Variants in ST6GALNAC3 observed in about 807,000 individuals in gnomAD.
The protein encoded by ST6GALNAC3 is ST6 N-acetylgalactosaminide alpha-2,6-sialyltransferase 3.
Under a neutral mutation model 32.7 loss-of-function variants are expected in ST6GALNAC3, and 25 were observed. The observed-to-expected ratio is 0.76, with a 90% CI of 0.56 to 1.07. The LOEUF (loss-of-function observed/expected upper bound fraction) is 1.07, where lower values mean the gene tolerates loss of function less well. Among genes scored for constraint, ST6GALNAC3 ranks in the 50% least tolerant of loss-of-function variants. The pLI, the probability that ST6GALNAC3 is intolerant of heterozygous loss-of-function variation, is 0.00. For missense variants in ST6GALNAC3, 355 were observed against 382.4 expected (o/e 0.93, Z 0.60); for synonymous variants, 129 against 133.1 (o/e 0.97, Z 0.21).
At chr1:76,542,149 A>G (rs1398577327) in intron 3 of ST6GALNAC3, among the ~76,000 whole-genome samples, 2 of 152,216 alleles carry the variant, frequency 1.3e-5, no homozygotes. Flanking sequence ...ACTCACTGTC[A>G]TATCTGGATA....
chr1:76,342,994 A>T (rs1648185321), intron 2 of ST6GALNAC3, among the ~76,000 whole-genome samples: 1 of 152,020 alleles, frequency 6.6e-6, no homozygotes, highest in African/African-American at 2.4e-5. Context: ...AGATGCATAG[A>T]TGTAAATATT....
At chr1:76,165,788 A>G (rs1055808659) in intron 1 of ST6GALNAC3, among the ~76,000 whole-genome samples, 1 of 152,102 alleles carries the variant, frequency 6.6e-6, no homozygotes, top group African/African-American at 2.4e-5. Context: ...GTTTTTTTTC[A>G]TATGATTATT....
rs371462113 is a variant in ST6GALNAC3, at chr1:76,210,952, G to A, written c.19-102853G>A. On this transcript the variant is annotated intron_variant, in intron 1 of 4. Coordinates refer to ENST00000328299, the MANE Select transcript of ST6GALNAC3 (RefSeq NM_152996.4). ...AGTAGAGACAGGATCTCCAACTCCT[G>A]ACCTCAAGTGATCCACCTGCCTTAG... 2.0e-4 allele frequency among the ~76,000 whole-genome samples: 31 copies of A among 152,224 alleles called. No homozygotes were observed. In the East Asian group the frequency reaches 3.7e-3, roughly 18 times the overall value.
At chr1:76,310,736 T>C (rs928150277) in intron 1 of ST6GALNAC3, among the ~76,000 whole-genome samples, 1 of 152,160 alleles carries the variant, frequency 6.6e-6, no homozygotes, top group Non-Finnish European at 1.5e-5. Context: ...TCACAGAAAG[T>C]TATGTGGCTT....
intron 3 of ST6GALNAC3, among the ~76,000 whole-genome samples, chr1:76,609,955 G>A (rs1427170247): frequency 6.6e-6 from 1 of 152,192 alleles, no homozygotes; most frequent in Non-Finnish European, 1.5e-5. Context: ...AGAGTGCTAA[G>A]TTGGTTAGGT....
intron 1 of ST6GALNAC3, among the ~76,000 whole-genome samples, chr1:76,195,763 C>T (rs1654167401): frequency 6.6e-6 from 1 of 152,178 alleles, no homozygotes; most frequent in Non-Finnish European, 1.5e-5. Context: ...TCCCCTACTC[C>T]CCAACATTCC....
At chr1:76,471,146 C>A (rs373551569) in intron 3 of ST6GALNAC3, among the ~76,000 whole-genome samples, 42 of 152,202 alleles carry the variant, frequency 2.8e-4, no homozygotes, top group African/African-American at 1.0e-3. Context: ...TCAATCCTGG[C>A]AAAAGTGACT....
chr1:76,344,230 T>C (rs944438527), intron 2 of ST6GALNAC3, among the ~76,000 whole-genome samples: 2 of 152,174 alleles, frequency 1.3e-5, no homozygotes, highest in Non-Finnish European at 2.9e-5. Flanking sequence ...AGTACATTGT[T>C]ATAGGTCAGA....
intron 3 of ST6GALNAC3, among the ~76,000 whole-genome samples, chr1:76,485,897 G>A (rs1459143885): frequency 3.3e-5 from 5 of 152,182 alleles, no homozygotes; most frequent in African/African-American, 7.2e-5. Context: ...TGCTTTGAAC[G>A]TGTCCCAGAG....
chr1:76,185,176 T>G (rs1653474467), intron 1 of ST6GALNAC3, among the ~76,000 whole-genome samples: 1 of 152,168 alleles, frequency 6.6e-6, no homozygotes, highest in South Asian at 2.1e-4. Context: ...ACTGCAGGAC[T>G]TCCTATCCCA....
intron 3 of ST6GALNAC3, chr1:76,576,738 G>C (rs1205144294): frequency 2.2e-6 from 2 of 890,902 alleles, no homozygotes; most frequent in Non-Finnish European, 3.2e-6. Context: ...TGATTAATCA[G>C]TTTCACAGTA....
intron 1 of ST6GALNAC3, among the ~76,000 whole-genome samples, chr1:76,099,922 A>G (rs1440861016): frequency 1.3e-5 from 2 of 152,194 alleles, no homozygotes; most frequent in African/African-American, 4.8e-5. Context: ...TTGCATTTCA[A>G]TTCTCACATT....
At chr1:76,296,012 A>G (rs555909447) in intron 1 of ST6GALNAC3, among the ~76,000 whole-genome samples, 2 of 152,162 alleles carry the variant, frequency 1.3e-5, no homozygotes, top group South Asian at 2.1e-4. Flanking sequence ...TAATTATGCC[A>G]AAGTAGCATA....
At chr1:76,461,515 A>G (rs1050884358) in intron 3 of ST6GALNAC3, among the ~76,000 whole-genome samples, 45 of 152,182 alleles carry the variant, frequency 3.0e-4, no homozygotes, top group African/African-American at 1.1e-3. Flanking sequence ...TTCGTGCTGG[A>G]GCCTTTATAT....
chr1:76,193,018 C>A (rs540700655), intron 1 of ST6GALNAC3, among the ~76,000 whole-genome samples: 20 of 152,170 alleles, frequency 1.3e-4, no homozygotes, highest in African/African-American at 4.6e-4. Flanking sequence ...AAGCTTAGGA[C>A]ATTTATATAA....
intron 1 of ST6GALNAC3, among the ~76,000 whole-genome samples, chr1:76,234,058 G>T (rs1170133961): frequency 1.3e-5 from 2 of 152,148 alleles, no homozygotes; most frequent in African/African-American, 4.8e-5. Context: ...TAAATAATTA[G>T]TCCAAGAACA....
At chr1:76,424,042 G>A (rs1416135532) in intron 3 of ST6GALNAC3, among the ~76,000 whole-genome samples, 1 of 151,908 alleles carries the variant, frequency 6.6e-6, no homozygotes, top group Admixed American at 6.6e-5. Flanking sequence ...ACAAAGAATG[G>A]TTGCTATTCC....
intron 2 of ST6GALNAC3, among the ~76,000 whole-genome samples, chr1:76,404,680 T>C (rs1020811708): frequency 3.9e-5 from 6 of 152,126 alleles, no homozygotes; most frequent in African/African-American, 1.4e-4. Context: ...AGTGCGTCTC[T>C]GGAGCTTTGT....
At chr1:76,258,736 C>G (rs1377573699) in intron 1 of ST6GALNAC3, among the ~76,000 whole-genome samples, 1 of 152,168 alleles carries the variant, frequency 6.6e-6, no homozygotes, top group Non-Finnish European at 1.5e-5. Flanking sequence ...GGTTTGCAGT[C>G]TAGCTGGAAA....
Sources: allele counts gnomAD v4.1 joint callset (sites outside exome capture counted in the v4.1 genomes callset), GRCh38; gene constraint gnomAD v4.1.1; transcripts MANE v1.5; gene names NCBI Gene and HGNC (gene_info 2026-07-23, HGNC 2026-07-21).